The following OLR1 variants were observed in gnomAD, a reference collection of about 807,000 sequenced individuals.
OLR1 encodes oxidized low-density lipoprotein receptor 1.
In OLR1, 23 loss-of-function variants were observed where a neutral mutation model predicts 31.7. The observed-to-expected ratio is 0.72, with a 90% CI of 0.52 to 1.03. OLR1 has a LOEUF of 1.03. Among genes scored for constraint, OLR1 ranks in the 50% least tolerant of loss-of-function variants. OLR1 has a pLI of 0.00. For missense variants in OLR1, 286 were observed against 315.7 expected (o/e 0.91, Z 0.71); for synonymous variants, 117 against 115.8 (o/e 1.01, Z -0.07).
chr12:10,160,749 C>G, intron 4 of OLR1, 37 bp downstream of exon 4: 2 of 1,604,422 alleles, frequency 1.2e-6, no homozygotes, highest in Non-Finnish European at 1.7e-6. Flanking sequence ...CCCTATCAAC[C>G]AATACTCCAC....
At chr12:10,163,207 G>T (rs151257813) in intron 3 of OLR1, among the ~76,000 whole-genome samples, 11 of 152,018 alleles carry the variant, frequency 7.2e-5, no homozygotes, top group African/African-American at 2.7e-4. Context: ...GAAGAATCTG[G>T]ACCTAGATAA....
chr12:10,163,943 A>G (rs1018575167), intron 3 of OLR1, among the ~76,000 whole-genome samples: 1 of 152,164 alleles, frequency 6.6e-6, no homozygotes, highest in South Asian at 2.1e-4. Context: ...AAAAAAAAAA[A>G]TGCTCTTTGA....
intron 2 of OLR1, chr12:10,167,260 G>C (rs1948670713): frequency 3.7e-6 from 1 of 273,028 alleles, no homozygotes; most frequent in Non-Finnish European, 7.2e-6. Context: ...GGCAGATCAC[G>C]AGGTCAAGAG....
chr12:10,172,781 A>G (rs1018553964), upstream of OLR1, among the ~76,000 whole-genome samples: 1 of 152,140 alleles, frequency 6.6e-6, no homozygotes, highest in African/African-American at 2.4e-5. Flanking sequence ...CTTTGAATCT[A>G]TGTCTTTGTC....
intron 3 of OLR1, among the ~76,000 whole-genome samples, chr12:10,163,186 T>G (rs1365910857): frequency 6.6e-6 from 1 of 152,164 alleles, no homozygotes; most frequent in East Asian, 1.9e-4. Context: ...TTTCTTCATT[T>G]GACAAATAGA....
chr12:10,160,557 A>G, intron 4 of OLR1, 95 bp from the exon 5 acceptor site: 2 of 1,077,730 alleles, frequency 1.9e-6, no homozygotes, highest in Admixed American at 4.3e-5. Flanking sequence ...CTAAAGAACC[A>G]AAAGGTATCT....
At chr12:10,166,997 A>T in intron 2 of OLR1, 40 bp from the exon 3 acceptor site, 1 of 1,567,682 alleles carries the variant, frequency 6.4e-7, no homozygotes, top group South Asian at 1.2e-5. Flanking sequence ...TCTAATCCAA[A>T]TAAAAATCCC....
chr12:10,163,654 C>G (rs572485259), intron 3 of OLR1, among the ~76,000 whole-genome samples: 1 of 151,680 alleles, frequency 6.6e-6, no homozygotes, highest in Non-Finnish European at 1.5e-5. Flanking sequence ...TTTGGTGGGC[C>G]GGGCCTGGTG....
At chr12:10,162,377 G>GA (rs1242765291) in intron 3 of OLR1, among the ~76,000 whole-genome samples, 1 of 152,112 alleles carries the variant, frequency 6.6e-6, no homozygotes, top group Non-Finnish European at 1.5e-5. Flanking sequence ...CTGAAAAACA[G>GA]AAAAAAGTGA....
At chr12:10,172,434 TG>T (rs1948731054), upstream of OLR1, 1 of 169,078 alleles carries the variant, frequency 5.9e-6, no homozygotes, top group African/African-American at 2.4e-5. Flanking sequence ...ACACTACATT[TG>T]TAAAAAATGT....
Position 10,166,706 on chromosome 12 carries a change from C to A in OLR1, c.424+6G>T. 6.2e-7 allele frequency: 1 copy of A among 1,613,996 alleles called. No homozygotes were observed. The highest frequency in any genetic ancestry group is 1.3e-5 in the African/African-American group (1 of 75,016). ...TATGTCTCCTTACCCACCCTTCTCCCAATACCTGAACAATTTGCTACTCTC... is the reference window on the plus strand; with the variant it reads ...TATGTCTCCTTACCCACCCTTCTCCAAATACCTGAACAATTTGCTACTCTC... On this transcript the variant is annotated splice_donor_region_variant and intron_variant, in intron 3 of 5. Transcript: ENST00000309539.
chr12:10,169,871 A>G (rs1948695801), intron 1 of OLR1, among the ~76,000 whole-genome samples: 1 of 152,190 alleles, frequency 6.6e-6, no homozygotes, highest in Admixed American at 6.5e-5. Context: ...ATTTTGAAAA[A>G]AAAATCACAT....
chr12:10,166,545 G>A (rs539929964), intron 3 of OLR1, among the ~76,000 whole-genome samples, 167 bp downstream of exon 3: 98 of 151,164 alleles, frequency 6.5e-4, no homozygotes, highest in African/African-American at 2.3e-3. Flanking sequence ...AAAAGAAAAA[G>A]AAAGAAAAAG....
At chr12:10,161,944 T>TATATATATAA (rs1474284777) in intron 3 of OLR1, among the ~76,000 whole-genome samples, 4 of 53,160 alleles carry the variant, frequency 7.5e-5, no homozygotes, top group African/African-American at 2.7e-4. Flanking sequence ...TATATATATA[T>TATATATATAA]AAAAAACACA....
chr12:10,161,809 A>T (rs1159908939), intron 3 of OLR1, among the ~76,000 whole-genome samples: 1 of 152,086 alleles, frequency 6.6e-6, no homozygotes, highest in Non-Finnish European at 1.5e-5. Context: ...AAAAATTTTT[A>T]TACTGATTAG....
rs544489750 is a variant in OLR1 at position 10,160,564 on chromosome 12, A to G, written c.565-102T>C. 3 of 1,008,178 alleles carry G rather than the reference A, an allele frequency of 3.0e-6. No homozygotes were observed. The South Asian group carries it at 4.3e-5, about 15-fold the overall frequency. 62.5% of individuals were successfully genotyped at this position (1,008,178 alleles called of 1,614,324 possible). ...CCACAAAACTAAAGAACCAAAAGGT[A>G]TCTTTGACATCCCCTTGACTGTTTT... On this transcript the variant is annotated intron_variant, in intron 4 of 5. Coordinates refer to ENST00000309539, the MANE Select transcript of OLR1 (RefSeq NM_002543.4).
Position 10,167,015 on chromosome 12 carries a change from A to G in OLR1, c.179-58T>C. The G allele has an allele frequency of 2.6e-6, 4 of 1,521,534 alleles. No individual in the cohort carries two copies. In the South Asian group the frequency reaches 4.9e-5, roughly 18 times the overall value. 94.3% of individuals were successfully genotyped at this position (1,521,534 alleles called of 1,614,324 possible). A position where few individuals can be genotyped will look rare whatever the true frequency, so the allele number is the denominator to read the frequency against. ...AATCCAAATAAAAATCCCTCCAGGG[A>G]CTTTTTGAGGAAATCAAAACAGAAT... is the stretch of plus-strand genomic sequence containing the variant. On this transcript the variant is annotated intron_variant, in intron 2 of 5. Coordinates refer to ENST00000309539, the MANE Select transcript of OLR1 (RefSeq NM_002543.4).
intron 1 of OLR1, among the ~76,000 whole-genome samples, chr12:10,169,767 G>A (rs1487567334): frequency 1.3e-5 from 2 of 152,040 alleles, no homozygotes; most frequent in African/African-American, 4.8e-5. Flanking sequence ...AAGAAAAGTA[G>A]GGATGAAACC....
intron 1 of OLR1, 156 bp from the exon 2 acceptor site, chr12:10,169,331 G>A (rs1948690249): frequency 8.2e-6 from 4 of 485,480 alleles, no homozygotes; most frequent in African/African-American, 3.9e-5. Context: ...TCCTCCAAAT[G>A]GCTCTGCAAA....
Sources: gnomAD v4.1 joint callset for allele counts (sites outside exome capture counted in the v4.1 genomes callset) on GRCh38, gnomAD v4.1.1 for gene constraint, MANE v1.5 for transcripts, NCBI Gene and HGNC (gene_info 2026-07-23, HGNC 2026-07-21) for gene names.